The following PPFIA2 variants were observed in gnomAD, a reference collection of about 807,000 sequenced individuals.
PPFIA2 encodes PPFI scaffold protein A2, also known as liprin-alpha-2.
PPFIA2 carries 46 observed loss-of-function variants against 175.5 expected under a neutral mutation model. The ratio of observed to expected loss-of-function variants is 0.26; its 90% confidence interval spans 0.21 to 0.34. The LOEUF is 0.34. PPFIA2 is among the 10% of genes least tolerant of loss of function. The pLI, the probability that PPFIA2 is intolerant of heterozygous loss-of-function variation, is 1.00. For missense variants in PPFIA2, 1,179 were observed against 1,506.1 expected, an observed-to-expected ratio of 0.78 and a Z score of 3.60; for synonymous variants, 568 against 511.4, an observed-to-expected ratio of 1.11 and a Z score of -1.49.
intron 4 of PPFIA2, among the ~76,000 whole-genome samples, chr12:81,562,661 A>C (rs918714465): frequency 2.7e-5 from 4 of 150,794 alleles, no homozygotes; most frequent in Admixed American, 6.6e-5. Context: ...TCCCGGCTAA[A>C]ACGGTGAAAC....
chr12:81,731,788 A>G (rs1369402607), intron 3 of PPFIA2, among the ~76,000 whole-genome samples: 9 of 151,596 alleles, frequency 5.9e-5, no homozygotes, highest in Non-Finnish European at 5.9e-5. Flanking sequence ...AAGGGGAATA[A>G]TAATAGTACC....
At chr12:81,725,755 T>C (rs2079991179) in intron 3 of PPFIA2, among the ~76,000 whole-genome samples, 1 of 150,484 alleles carries the variant, frequency 6.6e-6, no homozygotes, top group South Asian at 2.1e-4. Flanking sequence ...CTTTGAATAA[T>C]CTAATCAAGA....
At chr12:81,464,549 C>A (rs947036510) in intron 4 of PPFIA2, among the ~76,000 whole-genome samples, 3 of 151,990 alleles carry the variant, frequency 2.0e-5, no homozygotes, top group African/African-American at 7.2e-5. Context: ...AATGACAGGC[C>A]TTAGGTCAAT....
chr12:81,714,802 G>A (rs963604153), intron 3 of PPFIA2, among the ~76,000 whole-genome samples: 3 of 151,090 alleles, frequency 2.0e-5, no homozygotes, highest in Non-Finnish European at 4.4e-5. Context: ...AATTACAACT[G>A]TGGTAAGACC....
intron 4 of PPFIA2, among the ~76,000 whole-genome samples, chr12:81,587,254 C>T (rs1053911170): frequency 3.3e-5 from 5 of 151,824 alleles, no homozygotes; most frequent in East Asian, 3.9e-4. Context: ...TGGATCATGG[C>T]GGCAGTTCCT....
Position 81,508,540 on chromosome 12 carries a change from A to T in PPFIA2, c.304-50674T>A, listed in dbSNP as rs567936122. Among the ~76,000 whole-genome samples the T allele has an allele frequency of 7.0e-3, 1,049 of 150,836 alleles. 17 individuals are homozygous for T. Among genetic ancestry groups the T allele is most frequent in the African/African-American group, 0.024 (968 of 41,074 alleles). ...CCACCTCAAAAAAAAAAAAAAAAAA[A>T]AAAAAGCTTTGTAAAACTTAAAGAA... On this transcript the variant is annotated intron_variant, in intron 4 of 32. Coordinates refer to ENST00000549396, the MANE Select transcript of PPFIA2 (RefSeq NM_003625.5).
At chr12:81,315,818 A>G (rs2052212918) in intron 22 of PPFIA2, among the ~76,000 whole-genome samples, 1 of 151,750 alleles carries the variant, frequency 6.6e-6, no homozygotes, top group Admixed American at 6.6e-5. Context: ...ATATTTAAGC[A>G]TGTTTCTAGT....
chr12:81,736,178 T>C (rs1296977921), intron 3 of PPFIA2, among the ~76,000 whole-genome samples: 1 of 152,018 alleles, frequency 6.6e-6, no homozygotes, highest in Non-Finnish European at 1.5e-5. Flanking sequence ...CTTAATAATA[T>C]TGAATATTTT....
At chr12:81,750,080 C>T (rs533191684) in intron 3 of PPFIA2, among the ~76,000 whole-genome samples, 1 of 143,244 alleles carries the variant, frequency 7.0e-6, no homozygotes, top group African/African-American at 2.4e-5. Flanking sequence ...GAGTAAGGCA[C>T]ACAGAACAAA....
Position 81,392,823 on chromosome 12 carries a change from G to T in PPFIA2, c.763-8579C>A, listed in dbSNP as rs1442230807. On this transcript the variant is annotated intron_variant, in intron 8 of 32. Coordinates refer to ENST00000549396, the MANE Select transcript of PPFIA2 (RefSeq NM_003625.5). ...TTAATTCATCCCCAACTCAATTAGT[G>T]AGAACTTCACTTTTTCACTTTCTCC... Among the ~76,000 whole-genome samples, 4 of 152,044 alleles carry T rather than the reference G, an allele frequency of 2.6e-5. No homozygotes were observed. In the East Asian group the frequency reaches 7.7e-4, roughly 29 times the overall value.
chr12:81,560,736 T>G (rs1180284336), intron 4 of PPFIA2, among the ~76,000 whole-genome samples: 1 of 152,054 alleles, frequency 6.6e-6, no homozygotes, highest in African/African-American at 2.4e-5. Flanking sequence ...AAGAAAAAGG[T>G]CGTATTTGGA....
intron 3 of PPFIA2, among the ~76,000 whole-genome samples, chr12:81,753,483 T>C (rs1597235146): frequency 6.7e-6 from 1 of 148,174 alleles, no homozygotes; most frequent in African/African-American, 2.5e-5. Context: ...GAGAGGATAA[T>C]ATATTAGTAA....
At position 81,270,288 on chromosome 12, in the gene PPFIA2, T is replaced by G. The variant is rs573757751; in HGVS notation, c.3311-2201A>C. On this transcript the variant is annotated intron_variant, in intron 28 of 32. Transcript: ENST00000549396. The stretch of plus-strand genomic sequence containing the variant: ...TTACCAATGCTTTGTATTTCTCATT[T>G]TTGTTCTTGTTTTGTCTTGCTTTTT... Among the ~76,000 whole-genome samples the G allele has an allele frequency of 5.3e-5, 8 of 152,318 alleles. 1 individual carries two copies. The South Asian group carries it at 8.3e-4, about 16-fold the overall frequency.
chr12:81,546,734 T>A (rs1346692239), intron 4 of PPFIA2, among the ~76,000 whole-genome samples: 1 of 152,158 alleles, frequency 6.6e-6, no homozygotes, highest in Non-Finnish European at 1.5e-5. Flanking sequence ...TTACCTCTTT[T>A]TTTTTTTAAC....
chr12:81,469,209 T>C (rs1245863907), intron 4 of PPFIA2, among the ~76,000 whole-genome samples: 1 of 152,242 alleles, frequency 6.6e-6, no homozygotes, highest in African/African-American at 2.4e-5. Flanking sequence ...GTTTGGATAC[T>C]GGCTCACTTG....
chr12:81,746,844 T>C (rs889621145), intron 3 of PPFIA2, among the ~76,000 whole-genome samples: 4 of 142,676 alleles, frequency 2.8e-5, no homozygotes, highest in African/African-American at 9.8e-5. Context: ...GGGAGGAAAA[T>C]AATGAGCATT....
intron 3 of PPFIA2, among the ~76,000 whole-genome samples, chr12:81,686,129 T>C (rs2074390304): frequency 6.6e-6 from 1 of 151,976 alleles, no homozygotes; most frequent in Non-Finnish European, 1.5e-5. Context: ...ATGCATATGG[T>C]GACTTGGAAA....
chr12:81,281,241 A>G lies in PPFIA2; in HGVS notation c.3212+16T>C, dbSNP rs375541409. On this transcript the variant is annotated intron_variant, in intron 27 of 32. Transcript: ENST00000549396. ...TTTTAATTATTCTTTGGGGAAAAAAAAGAAAAAACACCTACCGATGGAAAC... is the reference window on the plus strand; with the variant it reads ...TTTTAATTATTCTTTGGGGAAAAAAGAGAAAAAACACCTACCGATGGAAAC... 43 of 1,526,340 alleles carry G rather than the reference A, an allele frequency of 2.8e-5. No homozygotes were observed. Among genetic ancestry groups the G allele is most frequent in the African/African-American group, 2.2e-4 (16 of 71,650 alleles). 94.5% of individuals were successfully genotyped at this position (1,526,340 alleles called of 1,614,324 possible).
rs559063642 is a variant in PPFIA2 at position 81,582,842 on chromosome 12, C to G, written c.303+93949G>C. On this transcript the variant is annotated intron_variant, in intron 4 of 32. Transcript: ENST00000549396. ...CTGGGAATCATCATTGAATAAAATA[C>G]ATTTTCTTGGAATTTATGTCTGTAA... Among the ~76,000 whole-genome samples the G allele has an allele frequency of 2.0e-5, 3 of 151,898 alleles. No individual in the cohort carries two copies. The South Asian group carries it at 6.2e-4, about 31-fold the overall frequency.
Sources: gnomAD v4.1 joint callset for allele counts (sites outside exome capture counted in the v4.1 genomes callset) on GRCh38, gnomAD v4.1.1 for gene constraint, MANE v1.5 for transcripts, NCBI Gene and HGNC (gene_info 2026-07-23, HGNC 2026-07-21) for gene names.